Variants in SYN3 observed in about 807,000 individuals in gnomAD.
The protein encoded by SYN3 is synapsin III, also known as synapsin-3.
SYN3 carries 35 observed loss-of-function variants against 65.8 expected under a neutral mutation model. The ratio of observed to expected loss-of-function variants is 0.53; its 90% CI spans 0.41 to 0.70. SYN3 has a LOEUF of 0.70. Ranked by LOEUF, SYN3 falls within the 30% of genes least tolerant of loss-of-function variation. SYN3 has a pLI of 0.00. For missense variants in SYN3, 680 were observed against 749.0 expected (o/e 0.91, Z 1.08); for synonymous variants, 270 against 292.9 (o/e 0.92, Z 0.80).
intron 3 of SYN3, among the ~76,000 whole-genome samples, chr22:32,944,922 G>A (rs1383098620): frequency 1.3e-5 from 2 of 152,186 alleles, no homozygotes; most frequent in African/African-American, 4.8e-5. Flanking sequence ...GCCAAATCAT[G>A]AGTAAACTCC....
chr22:32,995,419 C>G (rs1268266418), intron 2 of SYN3, among the ~76,000 whole-genome samples: 2 of 152,178 alleles, frequency 1.3e-5, no homozygotes, highest in Non-Finnish European at 2.9e-5. Context: ...TACTTAGACT[C>G]ATTCATTGTC....
intron 6 of SYN3, among the ~76,000 whole-genome samples, chr22:32,668,017 A>G (rs2060314007): frequency 6.6e-6 from 1 of 151,266 alleles, no homozygotes; most frequent in African/African-American, 2.4e-5. Context: ...GATGGTCTCC[A>G]TCTCCTGACC....
intron 6 of SYN3, among the ~76,000 whole-genome samples, chr22:32,598,937 A>G (rs1014354779): frequency 3.3e-5 from 5 of 152,186 alleles, no homozygotes; most frequent in Non-Finnish European, 7.3e-5. Flanking sequence ...ATATGATAAG[A>G]TTAATTGAAA....
intron 4 of SYN3, among the ~76,000 whole-genome samples, chr22:32,916,694 G>A (rs1158586135): frequency 6.6e-6 from 1 of 152,106 alleles, no homozygotes; most frequent in Non-Finnish European, 1.5e-5. Context: ...GCAAACTCCT[G>A]GGTCTCACCC....
chr22:33,012,972 TTTATCA>T (rs775184340), intron 1 of SYN3, among the ~76,000 whole-genome samples: 5 of 152,232 alleles, frequency 3.3e-5, no homozygotes, highest in Non-Finnish European at 5.9e-5. Context: ...TTTTCCAAAG[TTTATCA>T]TTATCATCTG....
intron 6 of SYN3, among the ~76,000 whole-genome samples, chr22:32,775,710 C>A (rs2045892418): frequency 1.0e-5 from 1 of 98,826 alleles, no homozygotes; most frequent in African/African-American, 4.3e-5. Context: ...ACTTCCTGGC[C>A]CTTTGAGATA....
At position 32,513,727 on chromosome 22, in the gene SYN3, G is replaced by A. The variant is rs1601533140; in HGVS notation, c.1708C>T (p.Leu570=). 6.2e-7 allele frequency: 1 copy of A among 1,614,214 alleles called. No homozygotes were observed. Among genetic ancestry groups the A allele is most frequent in the South Asian group, 1.1e-5 (1 of 91,072 alleles). ...DEAKAETIRN[L]RKSFASLFSD ...AACAGGCTGGCAAAAGACTTCCTCA[G>A]GTTGCGGATGGTTTCAGCCTTGGCC... The change falls in exon 14 of 14, where the codon CTG becomes TTG. Residue 570 remains leucine, a synonymous_variant. Transcript: ENST00000358763.
intron 3 of SYN3, among the ~76,000 whole-genome samples, chr22:32,943,836 C>A (rs185395920): frequency 6.6e-6 from 1 of 152,206 alleles, no homozygotes; most frequent in East Asian, 1.9e-4. Flanking sequence ...CGGCAAAGAT[C>A]AAAAGAGACA....
chr22:32,520,274 A>G (rs1176501185), intron 12 of SYN3, among the ~76,000 whole-genome samples: 2 of 151,280 alleles, frequency 1.3e-5, no homozygotes, highest in Non-Finnish European at 2.9e-5. Flanking sequence ...AGTAGCTGGG[A>G]CTACAGGCCC....
At chr22:32,838,955 AAG>A (rs1205038265) in intron 6 of SYN3, among the ~76,000 whole-genome samples, 1 of 151,446 alleles carries the variant, frequency 6.6e-6, no homozygotes, top group African/African-American at 2.4e-5. Context: ...TGCTGGAAGA[AAG>A]AGAGGAAAGC....
chr22:32,614,850 T>C lies in SYN3; in HGVS notation c.712-18114A>G, dbSNP rs111446217. 3.8e-3 allele frequency among the ~76,000 whole-genome samples: 576 copies of C among 152,230 alleles called. 2 individuals are homozygous for C. The highest frequency in any genetic ancestry group is 0.012 in the African/African-American group (499 of 41,554). On this transcript the variant is annotated intron_variant, in intron 6 of 13. Coordinates refer to ENST00000358763, the MANE Select transcript of SYN3 (RefSeq NM_003490.4). Reference sequence around the variant, plus strand: ...TCCTCGGAATCCAGAAGTAGTTTTGTTCCATCCCCAGTCTTCTGCACTGGA... The same window carrying C: ...TCCTCGGAATCCAGAAGTAGTTTTGCTCCATCCCCAGTCTTCTGCACTGGA...
At chr22:32,743,668 T>A (rs927710798) in intron 6 of SYN3, among the ~76,000 whole-genome samples, 2 of 152,136 alleles carry the variant, frequency 1.3e-5, no homozygotes, top group African/African-American at 4.8e-5. Context: ...GACAGTTGTC[T>A]TTAGCTGCCT....
intron 4 of SYN3, among the ~76,000 whole-genome samples, chr22:32,887,607 C>A (rs555506503): frequency 1.4e-4 from 22 of 152,270 alleles, no homozygotes; most frequent in Admixed American, 1.2e-3. Flanking sequence ...CCCTGGCCCC[C>A]ACAAACTGTG....
At chr22:32,736,049 A>C (rs975742130) in intron 6 of SYN3, among the ~76,000 whole-genome samples, 4 of 152,040 alleles carry the variant, frequency 2.6e-5, no homozygotes, top group African/African-American at 9.7e-5. Context: ...ATGTAGTTCA[A>C]CCCTCTCATT....
At chr22:32,652,821 G>A (rs544149493) in intron 6 of SYN3, among the ~76,000 whole-genome samples, 1 of 152,064 alleles carries the variant, frequency 6.6e-6, no homozygotes, top group Non-Finnish European at 1.5e-5. Flanking sequence ...AGGTCCTGAC[G>A]CCCTGTCCAG....
chr22:32,551,101 T>C (rs2058407304), intron 7 of SYN3, among the ~76,000 whole-genome samples: 1 of 152,228 alleles, frequency 6.6e-6, no homozygotes, highest in Admixed American at 6.5e-5. Context: ...CTCTTTGATG[T>C]TTTCTAGCTA....
At chr22:32,603,997 T>G (rs1241524430) in intron 6 of SYN3, among the ~76,000 whole-genome samples, 2 of 152,194 alleles carry the variant, frequency 1.3e-5, no homozygotes, top group East Asian at 1.9e-4. Context: ...GGTAGCCCAG[T>G]GCCTATGCTG....
intron 2 of SYN3, among the ~76,000 whole-genome samples, chr22:32,982,926 A>G (rs2052413551): frequency 6.6e-6 from 1 of 152,178 alleles, no homozygotes; most frequent in African/African-American, 2.4e-5. Context: ...GAGAGACTAA[A>G]TATTTTGCCT....
chr22:32,784,378 G>T (rs774039384), intron 6 of SYN3, among the ~76,000 whole-genome samples: 1 of 152,218 alleles, frequency 6.6e-6, no homozygotes, highest in Non-Finnish European at 1.5e-5. Context: ...GCAGGTTGCC[G>T]CATGGTGAGC....
Sources: gnomAD v4.1 joint callset for allele counts (sites outside exome capture counted in the v4.1 genomes callset) on GRCh38, gnomAD v4.1.1 for gene constraint, MANE v1.5 for transcripts, NCBI Gene and HGNC (gene_info 2026-07-23, HGNC 2026-07-21) for gene names.